PARD3B: variants seen among roughly 807,000 people sequenced by gnomAD.
The protein encoded by PARD3B is par-3 family cell polarity regulator beta, also known as partitioning defective 3 homolog B.
A neutral mutation model predicts 130.2 loss-of-function variants in PARD3B; 103 were observed. That is an observed-to-expected ratio of 0.79 (90% CI 0.67 to 0.93). PARD3B has a LOEUF of 0.93. PARD3B is among the 40% of genes least tolerant of loss of function. The pLI, the probability that PARD3B is intolerant of heterozygous loss-of-function variation, is 0.00. For missense variants in PARD3B, 1,609 were observed against 1,499.2 expected, an observed-to-expected ratio of 1.07 and a Z score of -1.21; for synonymous variants, 583 against 553.2, an observed-to-expected ratio of 1.05 and a Z score of -0.76.
intron 15 of PARD3B, among the ~76,000 whole-genome samples, chr2:205,238,900 ATATATAT>A (rs1345937899): frequency 7.5e-6 from 1 of 133,782 alleles, no homozygotes; most frequent in Non-Finnish European, 1.6e-5. Flanking sequence ...ATATATATAT[ATATATAT>A]ATGTATGTGT....
intron 2 of PARD3B, among the ~76,000 whole-genome samples, chr2:204,953,436 G>C (rs912007112): frequency 5.4e-5 from 8 of 147,602 alleles, no homozygotes; most frequent in South Asian, 2.1e-4. Flanking sequence ...GAGAGAGAGA[G>C]AGAGAGAGAG....
intron 1 of PARD3B, among the ~76,000 whole-genome samples, chr2:204,652,834 G>A (rs1014569236): frequency 2.0e-5 from 3 of 151,166 alleles, no homozygotes; most frequent in Non-Finnish European, 4.4e-5. Flanking sequence ...GAAGGTGACA[G>A]GGATGCAAGC....
Position 205,525,458 on chromosome 2 carries a change from G to A in PARD3B, c.3180+25427G>A, listed in dbSNP as rs1201632898. Among the ~76,000 whole-genome samples the A allele has an allele frequency of 6.6e-6, 1 of 152,078 alleles. No homozygotes were observed. Among genetic ancestry groups the A allele is most frequent in the Non-Finnish European group, 1.5e-5 (1 of 68,006 alleles). ...CAATATAATGCTGGGTGTTATGTAT[G>A]CACAGTTACCTATGAACACAAAAAG... On this transcript the variant is annotated intron_variant, in intron 21 of 22. Coordinates refer to ENST00000406610, the MANE Select transcript of PARD3B (RefSeq NM_001302769.2). This position sits in a 1 kb window ranked among gnomAD's most constrained non-coding sequence, Gnocchi z 4.2.
chr2:205,569,336 A>G (rs2053479124), intron 22 of PARD3B, among the ~76,000 whole-genome samples: 1 of 152,282 alleles, frequency 6.6e-6, no homozygotes, highest in Admixed American at 6.5e-5. Flanking sequence ...CTTTATGGTA[A>G]TATAAATCTA....
In PARD3B at chr2:205,178,143, TAAAAAA is replaced by T. The variant is rs58267787; in HGVS notation, c.1924+1596_1924+1601del. Among the ~76,000 whole-genome samples, 167 of 20,716 alleles carry T rather than the reference TAAAAAA, an allele frequency of 8.1e-3. 2 individuals are homozygous for T. The highest frequency in any genetic ancestry group is 0.033 in the African/African-American group (161 of 4,896). The allele number at this position is 20,716 out of a possible 152,430, so 13.6% of individuals were successfully genotyped here. A position where few individuals can be genotyped will look rare whatever the true frequency, so the allele number is the denominator to read the frequency against. ...CAACATGGCAAAATCCCATCTGTAC[TAAAAAA>T]AAAAAAAAAAAAAAAAAAAAAAAAA... On this transcript the variant is annotated intron_variant, in intron 13 of 22. Transcript: ENST00000406610.
chr2:205,363,383 T>C (rs982879024), intron 18 of PARD3B, among the ~76,000 whole-genome samples: 3 of 152,142 alleles, frequency 2.0e-5, no homozygotes, highest in Non-Finnish European at 2.9e-5. Context: ...TCCAAGACTG[T>C]TCCCTTTATG....
In PARD3B at chr2:204,673,258, T is replaced by C. The variant is rs1224500185; in HGVS notation, c.121-12923T>C. ...CAAATAACATGTAAGTCCCTTCTTC[T>C]TCCTTTCTAGAAGTATTTTCTTTTA... On this transcript the variant is annotated intron_variant, in intron 1 of 22. Coordinates refer to ENST00000406610, the MANE Select transcript of PARD3B (RefSeq NM_001302769.2). This position sits in a 1 kb window ranked among gnomAD's most constrained non-coding sequence, Gnocchi z 4.7. 6.6e-6 allele frequency among the ~76,000 whole-genome samples: 1 copy of C among 152,234 alleles called. No homozygotes were observed. Among genetic ancestry groups the C allele is most frequent in the Non-Finnish European group, 1.5e-5 (1 of 68,038 alleles).
At chr2:205,249,231 TTAAC>T (rs1260820784) in intron 16 of PARD3B, among the ~76,000 whole-genome samples, 1 of 151,214 alleles carries the variant, frequency 6.6e-6, no homozygotes, top group Non-Finnish European at 1.5e-5. Context: ...CTCTTTCTCT[TTAAC>T]TATAGAAATG....
At chr2:204,978,511 G>C (rs542157220) in intron 3 of PARD3B, among the ~76,000 whole-genome samples, 1 of 152,156 alleles carries the variant, frequency 6.6e-6, no homozygotes, top group Admixed American at 6.5e-5. Flanking sequence ...TGATATTCAT[G>C]TGCACAAAAG....
At chr2:204,971,540 G>A (rs1691706185) in intron 3 of PARD3B, among the ~76,000 whole-genome samples, 1 of 152,048 alleles carries the variant, frequency 6.6e-6, no homozygotes. Context: ...TTTGTTTCCT[G>A]TTGAGGCTGA....
At chr2:204,654,638 G>C (rs1033131132) in intron 1 of PARD3B, among the ~76,000 whole-genome samples, 1 of 152,174 alleles carries the variant, frequency 6.6e-6, no homozygotes, top group African/African-American at 2.4e-5. Flanking sequence ...ATGAGAAACT[G>C]TCTCTAAAAA....
chr2:205,556,528 G>A (rs901026615), intron 22 of PARD3B, among the ~76,000 whole-genome samples: 2 of 152,192 alleles, frequency 1.3e-5, no homozygotes, highest in Non-Finnish European at 2.9e-5. Context: ...ACAATTCCCA[G>A]CACTTGGTAG....
chr2:205,381,030 T>TAAAGAATATATATC (rs1559035455), intron 18 of PARD3B, among the ~76,000 whole-genome samples: 1 of 12,382 alleles, frequency 8.1e-5, no homozygotes, highest in Non-Finnish European at 3.5e-4. Context: ...TATGATATAT[T>TAAAGAATATATATC]ATATATAAAG....
chr2:204,922,015 A>G (rs990577718), intron 2 of PARD3B, among the ~76,000 whole-genome samples: 15 of 152,110 alleles, frequency 9.9e-5, no homozygotes, highest in African/African-American at 3.6e-4. Context: ...TGCATGGAAC[A>G]GGGTACTGTG....
intron 18 of PARD3B, among the ~76,000 whole-genome samples, chr2:205,310,033 A>G (rs907111996): frequency 1.3e-5 from 2 of 151,420 alleles, no homozygotes; most frequent in Non-Finnish European, 2.9e-5. Context: ...TAACATATAC[A>G]TTACCTCACA....
At chr2:205,494,291 A>G (rs548102919) in intron 20 of PARD3B, among the ~76,000 whole-genome samples, 1 of 152,290 alleles carries the variant, frequency 6.6e-6, no homozygotes, top group African/African-American at 2.4e-5. Context: ...ATACATATGT[A>G]ATCACAGATA....
chr2:205,605,859 G>T (rs934981850), intron 22 of PARD3B, among the ~76,000 whole-genome samples: 11 of 152,196 alleles, frequency 7.2e-5, no homozygotes, highest in African/African-American at 2.4e-4. Flanking sequence ...GACTACATCT[G>T]CTGATCCATG....
At chr2:205,466,855 G>T (rs2048642046) in intron 20 of PARD3B, among the ~76,000 whole-genome samples, 1 of 152,176 alleles carries the variant, frequency 6.6e-6, no homozygotes, top group Non-Finnish European at 1.5e-5. Flanking sequence ...TGGGATTCCA[G>T]GCACCCACCA....
intron 3 of PARD3B, among the ~76,000 whole-genome samples, chr2:204,978,965 CAAAAAAAA>C (rs34432147): frequency 2.7e-5 from 2 of 74,908 alleles, no homozygotes; most frequent in African/African-American, 1.2e-4. Flanking sequence ...ACCCTGGCCT[CAAAAAAAA>C]AAAAAAAAAA....
Sources: gnomAD v4.1 joint callset for allele counts (sites outside exome capture counted in the v4.1 genomes callset) on GRCh38, gnomAD v4.1.1 for gene constraint, Gnocchi (gnomAD v3.1) non-coding constraint, MANE v1.5 for transcripts, NCBI Gene and HGNC (gene_info 2026-07-23, HGNC 2026-07-21) for gene names.